SHISA6: variants seen among roughly 807,000 people sequenced by gnomAD.
SHISA6 encodes the protein protein shisa-6.
In SHISA6, 22 loss-of-function variants were observed where a neutral mutation model predicts 47.9. The ratio of observed to expected loss-of-function variants is 0.46; its 90% CI spans 0.33 to 0.66. The LOEUF is 0.66. SHISA6 is among the 30% of genes least tolerant of loss of function. The pLI, the probability that SHISA6 is intolerant of heterozygous loss-of-function variation, is 0.02. For missense variants in SHISA6, 680 were observed against 764.6 expected, an observed-to-expected ratio of 0.89 and a Z score of 1.30; for synonymous variants, 388 against 337.8, an observed-to-expected ratio of 1.15 and a Z score of -1.63.
intron 2 of SHISA6, among the ~76,000 whole-genome samples, chr17:11,350,182 A>ATTTATTTTTTTTT (rs964679787): frequency 1.5e-4 from 17 of 116,270 alleles, no homozygotes; most frequent in African/African-American, 5.3e-4. Flanking sequence ...TTATTTATTT[A>ATTTATTTTTTTTT]TTTTTTTTTT....
rs538970758 is a variant in SHISA6 at position 11,472,227 on chromosome 17, C to T, written c.896-79669C>T. 1.9e-4 allele frequency among the ~76,000 whole-genome samples: 29 copies of T among 152,200 alleles called. No homozygotes were observed. In the East Asian group the frequency reaches 5.0e-3, roughly 26 times the overall value. On this transcript the variant is annotated intron_variant, in intron 3 of 5. Transcript: ENST00000441885. ...TTGTCTTCTTTTACTTGGTAATATA[C>T]ATTTAAGCTTCTTCCATGTCTTTTC... is the stretch of plus-strand genomic sequence containing the variant.
At chr17:11,417,075 C>T (rs205021) in intron 3 of SHISA6, among the ~76,000 whole-genome samples, 129,200 of 152,092 alleles carry the variant, frequency 0.85, 55,350 homozygotes, top group South Asian at 0.91. Context: ...ACAGATATGA[C>T]TGGCAAGCTG....
At chr17:11,473,151 G>A (rs1271499462) in intron 3 of SHISA6, among the ~76,000 whole-genome samples, 1 of 152,146 alleles carries the variant, frequency 6.6e-6, no homozygotes, top group East Asian at 1.9e-4. Flanking sequence ...ACAGAGCAGA[G>A]TTTTTCATTT....
chr17:11,388,404 A>G (rs1047455411), intron 3 of SHISA6, among the ~76,000 whole-genome samples: 1 of 152,084 alleles, frequency 6.6e-6, no homozygotes, highest in Admixed American at 6.5e-5. Flanking sequence ...CAGAGCAGAG[A>G]GGAACTCTCG....
chr17:11,356,341 T>C (rs557364538), intron 2 of SHISA6, among the ~76,000 whole-genome samples: 1 of 152,084 alleles, frequency 6.6e-6, no homozygotes, highest in Non-Finnish European at 1.5e-5. Flanking sequence ...CTTCAGGTAG[T>C]CCCCTCCAGA....
chr17:11,455,197 A>AAAC (rs1915505150), intron 3 of SHISA6, among the ~76,000 whole-genome samples: 3 of 151,292 alleles, frequency 2.0e-5, no homozygotes, highest in African/African-American at 7.3e-5. Context: ...AACAAACAAA[A>AAAC]AAAACAGTTC....
intron 3 of SHISA6, among the ~76,000 whole-genome samples, chr17:11,468,617 C>T (rs1165958526): frequency 6.6e-6 from 1 of 152,178 alleles, no homozygotes; most frequent in Admixed American, 6.5e-5. Flanking sequence ...AAGCCCGATT[C>T]TCACTGGAGA....
chr17:11,470,881 A>C (rs1306648736), intron 3 of SHISA6, among the ~76,000 whole-genome samples: 1 of 152,150 alleles, frequency 6.6e-6, no homozygotes, highest in East Asian at 1.9e-4. Flanking sequence ...CCAGGGTCTG[A>C]CAGTGATGGA....
chr17:11,426,806 G>C (rs1311686743), intron 3 of SHISA6, among the ~76,000 whole-genome samples: 2 of 152,092 alleles, frequency 1.3e-5, no homozygotes, highest in African/African-American at 4.8e-5. Flanking sequence ...GGAAAGTTGG[G>C]GAGGATTAGA....
chr17:11,539,313 C>G (rs1181516561), intron 3 of SHISA6, among the ~76,000 whole-genome samples: 1 of 152,036 alleles, frequency 6.6e-6, no homozygotes, highest in Non-Finnish European at 1.5e-5. Flanking sequence ...ATTATTTGTA[C>G]CCCCCAACTT....
chr17:11,405,809 G>A (rs995841280), intron 3 of SHISA6, among the ~76,000 whole-genome samples: 21 of 151,468 alleles, frequency 1.4e-4, no homozygotes, highest in South Asian at 4.2e-4. Context: ...AAAAAGAAAA[G>A]AAAAAAAATT....
chr17:11,253,110 G>A (rs188008866), intron 1 of SHISA6, among the ~76,000 whole-genome samples: 5 of 152,232 alleles, frequency 3.3e-5, no homozygotes, highest in African/African-American at 1.2e-4. Context: ...ATGTTTCTTC[G>A]TGTCACTTTC....
chr17:11,324,556 G>C (rs1910811501), intron 2 of SHISA6, among the ~76,000 whole-genome samples: 1 of 152,158 alleles, frequency 6.6e-6, no homozygotes, highest in Admixed American at 6.5e-5. Context: ...TGGACCTTGG[G>C]TGGTAGGCGG....
chr17:11,464,811 G>A (rs1915770635), intron 3 of SHISA6, among the ~76,000 whole-genome samples: 1 of 151,908 alleles, frequency 6.6e-6, no homozygotes, highest in South Asian at 2.1e-4. Flanking sequence ...GAGTGGTGGC[G>A]GGTGCCTGTA....
chr17:11,509,347 G>T (rs546877950), intron 3 of SHISA6, among the ~76,000 whole-genome samples: 5 of 152,306 alleles, frequency 3.3e-5, no homozygotes, highest in African/African-American at 1.2e-4. Context: ...ATCACACATG[G>T]TCCTCTATGC....
At chr17:11,350,184 T>TTATA (rs869046307) in intron 2 of SHISA6, among the ~76,000 whole-genome samples, 1 of 101,898 alleles carries the variant, frequency 9.8e-6, no homozygotes, top group Non-Finnish European at 2.1e-5. Context: ...ATTTATTTAT[T>TTATA]TTTTTTTTTT....
At chr17:11,335,874 A>C (rs1185755222) in intron 2 of SHISA6, among the ~76,000 whole-genome samples, 1 of 152,168 alleles carries the variant, frequency 6.6e-6, no homozygotes, top group Non-Finnish European at 1.5e-5. Flanking sequence ...TTAGTGGTTC[A>C]AATGACATAT....
At chr17:11,526,563 AATGATACCAGGAGGT>A (rs1166419297) in intron 3 of SHISA6, among the ~76,000 whole-genome samples, 21 of 152,260 alleles carry the variant, frequency 1.4e-4, no homozygotes, top group African/African-American at 5.1e-4. Context: ...CCACACTCTG[AATGATACCAGGAGGT>A]ATGACTTGTC....
At chr17:11,306,088 T>A (rs1383894382) in intron 2 of SHISA6, among the ~76,000 whole-genome samples, 1 of 152,214 alleles carries the variant, frequency 6.6e-6, no homozygotes, top group Admixed American at 6.5e-5. Context: ...TTTTACTGAA[T>A]GCTGACAGTG....
Sources: allele counts gnomAD v4.1 joint callset (sites outside exome capture counted in the v4.1 genomes callset), GRCh38; gene constraint gnomAD v4.1.1; transcripts MANE v1.5; gene names NCBI Gene and HGNC (gene_info 2026-07-23, HGNC 2026-07-21).